Variants in MDM1 observed in about 807,000 individuals in gnomAD.
The protein encoded by MDM1 is Mdm1 nuclear protein.
A neutral mutation model predicts 89.1 loss-of-function variants in MDM1; 61 were observed. That is an observed-to-expected ratio of 0.68 (90% CI 0.56 to 0.85). The LOEUF is 0.85. Among genes scored for constraint, MDM1 ranks in the 40% least tolerant of loss-of-function variants. The probability of loss-of-function intolerance (pLI) is 0.00; values close to 1 mark genes in which losing one functional copy is unlikely to be tolerated. For synonymous variants in MDM1, 290 were observed against 294.1 expected (o/e 0.99, Z 0.14); for missense variants, 820 against 846.5 (o/e 0.97, Z 0.39).
At chr12:68,329,008 C>T (rs1452002602) in intron 2 of MDM1, among the ~76,000 whole-genome samples, 1 of 152,186 alleles carries the variant, frequency 6.6e-6, no homozygotes, top group African/African-American at 2.4e-5. Flanking sequence ...CCCTCAAATG[C>T]AGCTGATCTA....
chr12:68,303,661 T>C (rs1035860924), intron 12 of MDM1, among the ~76,000 whole-genome samples: 7 of 152,224 alleles, frequency 4.6e-5, no homozygotes, highest in Admixed American at 1.3e-4. Context: ...GGTGTAACTA[T>C]AGATTGCACG....
At position 68,323,239 on chromosome 12, in the gene MDM1, A is replaced by C. The variant is rs1875480510; in HGVS notation, c.635T>G (p.Val212Gly). The C allele has an allele frequency of 3.9e-6, 6 of 1,537,946 alleles. No individual in the cohort carries two copies. The highest frequency in any genetic ancestry group is 1.3e-5 in the South Asian group (1 of 78,426). Residue 212 changes from valine (V) to glycine (G), a missense_variant and splice_region_variant, in exon 5 of 15, where the codon GTT (valine) becomes GGT (glycine). Physicochemically the swap from Val to Gly is moderately radical, Grantham distance 109 (BLOSUM62 -3). Transcript: ENST00000682720. ...AACAAACTGGCTTTTATTGTGGAAA[A>C]CCTTAAAACAAAAATTATTTTAGTT... ...ETAPAFAANQ[V>G]FHNKSQFVPP...
intron 7 of MDM1, among the ~76,000 whole-genome samples, chr12:68,319,233 A>G (rs1276503215): frequency 6.6e-6 from 1 of 152,230 alleles, no homozygotes; most frequent in Non-Finnish European, 1.5e-5. Flanking sequence ...ATTATAATGG[A>G]GATGACAAAT....
At chr12:68,317,921 C>T (rs796943154) in intron 7 of MDM1, among the ~76,000 whole-genome samples, 19 of 152,316 alleles carry the variant, frequency 1.2e-4, no homozygotes, top group African/African-American at 4.6e-4. Context: ...CCTCTGTGTT[C>T]TCAGAGTTCT....
chr12:68,299,974 C>G (rs549452294), intron 13 of MDM1, among the ~76,000 whole-genome samples: 90 of 152,172 alleles, frequency 5.9e-4, no homozygotes, highest in Admixed American at 1.9e-3. Context: ...AACAACTAGA[C>G]TAACAACAGA....
chr12:68,316,008 T>C (rs1030898022), intron 9 of MDM1, 70 bp downstream of exon 9: 4 of 1,319,576 alleles, frequency 3.0e-6, no homozygotes, highest in Admixed American at 5.3e-5. Context: ...TCAGGTCATT[T>C]TCCTATATCA....
chr12:68,308,124 CTTCT>C (rs1176708275), intron 12 of MDM1, among the ~76,000 whole-genome samples: 3 of 148,906 alleles, frequency 2.0e-5, no homozygotes, highest in African/African-American at 5.0e-5. Flanking sequence ...CTTGCTGTTC[CTTCT>C]TTTTTTTTTT....
chr12:68,302,480 T>G lies in MDM1; in HGVS notation c.2002+140A>C, dbSNP rs1872299248. 3.8e-6 allele frequency: 3 copies of G among 784,822 alleles called. No homozygotes were observed. The East Asian group carries it at 8.2e-5, about 22-fold the overall frequency. The allele number at this position is 784,822 out of a possible 1,614,324, so 48.6% of individuals were successfully genotyped here. On this transcript the variant is annotated intron_variant, in intron 13 of 14. Transcript: ENST00000682720. Reference sequence around the variant, plus strand: ...ATTGGTCCCAAGGAGGGAGTTTTCCTATTTAAAGAAATTTTATTAATACAT... The same window carrying G: ...ATTGGTCCCAAGGAGGGAGTTTTCCGATTTAAAGAAATTTTATTAATACAT...
intron 13 of MDM1, 66 bp from the exon 14 acceptor site, chr12:68,297,048 T>C (rs1052991604): frequency 7.1e-6 from 8 of 1,126,688 alleles, no homozygotes; most frequent in South Asian, 1.8e-5. Context: ...CTCAATTATA[T>C]ACTAAACTGT....
chr12:68,296,266 A>T (rs544561624), intron 14 of MDM1, among the ~76,000 whole-genome samples: 2 of 152,324 alleles, frequency 1.3e-5, no homozygotes, highest in Admixed American at 6.5e-5. Flanking sequence ...TTGGGAGGCC[A>T]AGGTGGGCGG....
chr12:68,323,740 C>T (rs1247594928), intron 4 of MDM1, among the ~76,000 whole-genome samples: 1 of 152,142 alleles, frequency 6.6e-6, no homozygotes, highest in Non-Finnish European at 1.5e-5. Flanking sequence ...ATACTTACTA[C>T]TTCACAATAT....
Position 68,313,488 on chromosome 12 carries a change from C to T in MDM1, c.1704G>A (p.Met568Ile), listed in dbSNP as rs1187945095. 1 of 1,613,956 alleles carries T rather than the reference C, an allele frequency of 6.2e-7. No individual in the cohort carries two copies. Among genetic ancestry groups the T allele is most frequent in the Non-Finnish European group, 8.5e-7 (1 of 1,179,870 alleles). Residue 568 changes from methionine to isoleucine, a missense_variant, in exon 12 of 15, where the codon ATG (methionine) becomes ATA (isoleucine). Met to Ile is a conservative substitution (Grantham distance 10, BLOSUM62 1). Transcript: ENST00000682720. Reference sequence around the variant, plus strand: ...AAGTTTCTAAACAATCCTGAGAGGTCATTCTTTTCCTCTGTTCTGGGGCTG... The same window carrying T: ...AAGTTTCTAAACAATCCTGAGAGGTTATTCTTTTCCTCTGTTCTGGGGCTG... ...KPPAPEQRKRMTSQDCLETSK... is the reference protein window; with the variant it reads ...KPPAPEQRKRITSQDCLETSK...
intron 7 of MDM1, 110 bp from the exon 8 acceptor site, chr12:68,316,720 G>T: frequency 1.2e-6 from 1 of 866,654 alleles, no homozygotes; most frequent in Non-Finnish European, 1.8e-6. Context: ...TACCAAACTT[G>T]TCAATCAATA....
intron 12 of MDM1, among the ~76,000 whole-genome samples, chr12:68,304,046 A>C (rs1174016213): frequency 6.6e-6 from 1 of 152,144 alleles, no homozygotes; most frequent in Non-Finnish European, 1.5e-5. Flanking sequence ...GGGGAGGCAG[A>C]GATTGCAGTA....
At chr12:68,329,703 G>T (rs1057302356) in intron 2 of MDM1, among the ~76,000 whole-genome samples, 7 of 152,168 alleles carry the variant, frequency 4.6e-5, no homozygotes, top group Non-Finnish European at 1.0e-4. Flanking sequence ...ACTGGGTGGT[G>T]AATAAGACAG....
At chr12:68,316,330 C>T in intron 8 of MDM1, 77 bp from the exon 9 acceptor site, 2 of 1,442,142 alleles carry the variant, frequency 1.4e-6, no homozygotes, top group Non-Finnish European at 9.4e-7. Context: ...ATATCAAAGA[C>T]ATTGCACAAA....
In MDM1 at chr12:68,321,583, A is replaced by G; in HGVS notation, c.847T>C (p.Leu283=). The change falls in exon 6 of 15, where the codon TTA becomes CTA. Residue 283 remains leucine (L), a synonymous_variant. Coordinates refer to ENST00000682720, the MANE Select transcript of MDM1 (RefSeq NM_001354969.2). The part of the protein sequence containing the change: ...DRLKLEAEME[L]KDLHQPKRKL... Reference sequence around the variant, plus strand: ...CTTTTAGGCTGGTGTAAGTCTTTTAATTCCATCTCTGCTTCCAATTTTAAA... The same window carrying G: ...CTTTTAGGCTGGTGTAAGTCTTTTAGTTCCATCTCTGCTTCCAATTTTAAA... The G allele has an allele frequency of 1.2e-6, 2 of 1,612,988 alleles. No individual in the cohort carries two copies. The highest frequency in any genetic ancestry group is 1.7e-6 in the Non-Finnish European group (2 of 1,179,754).
chr12:68,330,930 T>C (rs1290985104), intron 2 of MDM1, 177 bp downstream of exon 2: 3 of 588,188 alleles, frequency 5.1e-6, no homozygotes, highest in Non-Finnish European at 9.1e-6. Context: ...TCCTGGCTCA[T>C]AGTAAACCTT....
At chr12:68,331,905 G>C in intron 1 of MDM1, 1 of 649,076 alleles carries the variant, frequency 1.5e-6, no homozygotes, top group Non-Finnish European at 2.9e-6. Flanking sequence ...TGGGCCACAG[G>C]TGTCCCAATC....
Sources: gnomAD v4.1 joint callset for allele counts (sites outside exome capture counted in the v4.1 genomes callset) on GRCh38, gnomAD v4.1.1 for gene constraint, MANE v1.5 for transcripts, NCBI Gene and HGNC (gene_info 2026-07-23, HGNC 2026-07-21) for gene names.